Variants in SLC24A2 observed in about 807,000 individuals in gnomAD.
SLC24A2 encodes sodium/potassium/calcium exchanger 2.
In SLC24A2, 36 loss-of-function variants were observed where a neutral mutation model predicts 62.0. That is an observed-to-expected ratio of 0.58 (90% CI 0.44 to 0.77). SLC24A2 has a LOEUF of 0.77. Among genes scored for constraint, SLC24A2 ranks in the 30% least tolerant of loss-of-function variants. SLC24A2 has a pLI of 0.00. For missense variants in SLC24A2, 846 were observed against 817.9 expected (o/e 1.03, Z -0.42); for synonymous variants, 358 against 294.0 (o/e 1.22, Z -2.23).
intron 2 of SLC24A2, among the ~76,000 whole-genome samples, chr9:19,702,000 G>A (rs1000593741): frequency 1.3e-5 from 2 of 152,096 alleles, no homozygotes; most frequent in South Asian, 2.1e-4. Flanking sequence ...AGAATCTCTT[G>A]TTTTTCATTC....
the SLC24A2 span, among the ~76,000 whole-genome samples, chr9:20,083,668 A>G: frequency 1.3e-5 from 2 of 152,340 alleles, no homozygotes; most frequent in South Asian, 2.1e-4. Flanking sequence ...CACTGAAAGG[A>G]TTATTAAGCT....
chr9:20,051,146 G>A, the SLC24A2 span, among the ~76,000 whole-genome samples: 13 of 151,950 alleles, frequency 8.6e-5, no homozygotes, highest in African/African-American at 2.7e-4. Context: ...GTAACACAAT[G>A]AAAACAGGGT....
intron 2 of SLC24A2, among the ~76,000 whole-genome samples, chr9:19,669,605 A>T (rs983898042): frequency 1.3e-5 from 2 of 152,200 alleles, no homozygotes; most frequent in Non-Finnish European, 2.9e-5. Flanking sequence ...TCTGGGGGAA[A>T]ATCCATTTCC....
At chr9:19,686,299 A>T (rs1210847705) in intron 2 of SLC24A2, among the ~76,000 whole-genome samples, 1 of 152,150 alleles carries the variant, frequency 6.6e-6, no homozygotes, top group East Asian at 1.9e-4. Flanking sequence ...ATGCTTAGAC[A>T]CTGTTGGTGG....
At chr9:19,846,757 T>G in the SLC24A2 span, among the ~76,000 whole-genome samples, 1 of 152,150 alleles carries the variant, frequency 6.6e-6, no homozygotes, top group Non-Finnish European at 1.5e-5. Context: ...CTGGGCACAG[T>G]AGCTCATGTC....
the SLC24A2 span, among the ~76,000 whole-genome samples, chr9:19,879,416 A>G: frequency 2.6e-5 from 4 of 152,238 alleles, no homozygotes; most frequent in Admixed American, 6.5e-5. Flanking sequence ...AGGAAAACCT[A>G]TATAGAGCAT....
At chr9:20,202,314 T>C in the SLC24A2 span, among the ~76,000 whole-genome samples, 381 of 152,330 alleles carry the variant, frequency 2.5e-3, 3 homozygotes, top group Middle Eastern at 0.02. Flanking sequence ...TTTCTTCCCC[T>C]GAGGTGATTG....
rs1817860570 is a variant in SLC24A2, at chr9:19,619,661, G to A, written c.1001C>T (p.Ser334Phe). Residue 334 changes from serine (S) to phenylalanine (F), a missense_variant, in exon 4 of 11, where the codon TCT becomes TTT. Physicochemically the swap from Ser to Phe is radical, Grantham distance 155 (BLOSUM62 -2). Transcript: ENST00000341998. ...AKPRLQRGGS[S>F]ASLHNSLMRN... ...CATGAGACTGTTGTGGAGGGAGGCA[G>A]AGCTTCCACCTCGCTGGAGACGCGG... 1.2e-6 allele frequency: 2 copies of A among 1,613,870 alleles called. No homozygotes were observed. The highest frequency in any genetic ancestry group is 1.7e-6 in the Non-Finnish European group (2 of 1,179,904).
At chr9:20,015,987 C>T in the SLC24A2 span, among the ~76,000 whole-genome samples, 19 of 152,302 alleles carry the variant, frequency 1.2e-4, no homozygotes, top group Admixed American at 5.2e-4. Context: ...GCATTTCCTT[C>T]TATTATTGCA....
intron 2 of SLC24A2, among the ~76,000 whole-genome samples, chr9:19,752,438 T>C (rs986828128): frequency 6.6e-6 from 1 of 151,140 alleles, no homozygotes; most frequent in African/African-American, 2.4e-5. Flanking sequence ...AAAGAGGCTG[T>C]GTCTTCAAGG....
the SLC24A2 span, among the ~76,000 whole-genome samples, chr9:19,997,989 A>G: frequency 6.6e-6 from 1 of 152,046 alleles, no homozygotes; most frequent in Admixed American, 6.5e-5. Flanking sequence ...GCATCCTTAT[A>G]TTTTTGGGAA....
chr9:19,672,288 G>A (rs1819444281), intron 2 of SLC24A2, among the ~76,000 whole-genome samples: 1 of 146,282 alleles, frequency 6.8e-6, no homozygotes, highest in Non-Finnish European at 1.5e-5. Context: ...TATATTTCCA[G>A]GAATTTATCC....
the SLC24A2 span, among the ~76,000 whole-genome samples, chr9:20,242,658 G>C: frequency 6.6e-6 from 1 of 152,166 alleles, no homozygotes; most frequent in South Asian, 2.1e-4. Flanking sequence ...CTGACTCCGG[G>C]ATGCAACACC....
Position 19,512,914 on chromosome 9 carries a change from T to C in SLC24A2, c.*3239A>G, listed in dbSNP as rs1236442557. The C allele has an allele frequency of 6.6e-6, 1 of 151,950 alleles. No individual in the cohort carries two copies. Among genetic ancestry groups the C allele is most frequent in the Non-Finnish European group, 1.5e-5 (1 of 68,002 alleles). 9.4% of individuals were successfully genotyped at this position (151,950 alleles called of 1,614,324 possible). A position where few individuals can be genotyped will look rare whatever the true frequency, so the allele number is the denominator to read the frequency against. ...TGACCGATTTCCTTAAGGCTATAAATTGATATTCTTAGGGTGGGAAAATAT... is the reference window on the plus strand; with the variant it reads ...TGACCGATTTCCTTAAGGCTATAAACTGATATTCTTAGGGTGGGAAAATAT... On this transcript the variant is annotated 3_prime_UTR_variant, in exon 11 of 11. Transcript: ENST00000341998.
chr9:20,238,092 C>T, the SLC24A2 span, among the ~76,000 whole-genome samples: 2 of 152,112 alleles, frequency 1.3e-5, no homozygotes, highest in African/African-American at 2.4e-5. Context: ...TGTGGGTGGT[C>T]CAGCTGAGCC....
At chr9:20,143,764 C>T in the SLC24A2 span, among the ~76,000 whole-genome samples, 1 of 152,088 alleles carries the variant, frequency 6.6e-6, no homozygotes, top group African/African-American at 2.4e-5. Flanking sequence ...AAATTATTTC[C>T]AAATTGGTAT....
In SLC24A2 at chr9:19,593,338, T is replaced by C. The variant is rs187962244; in HGVS notation, c.1129+3891A>G. 4.6e-3 allele frequency among the ~76,000 whole-genome samples: 697 copies of C among 152,122 alleles called. 13 individuals carry two copies. Among genetic ancestry groups the C allele is most frequent in the Admixed American group, 0.04 (612 of 15,268 alleles). Reference sequence around the variant, plus strand: ...TACTGGCTATTGATGAACAAATTCATGAAAGAATGAATAAAAAAGTAGATA... The same window carrying C: ...TACTGGCTATTGATGAACAAATTCACGAAAGAATGAATAAAAAAGTAGATA... On this transcript the variant is annotated intron_variant, in intron 5 of 10. Transcript: ENST00000341998.
intron 2 of SLC24A2, among the ~76,000 whole-genome samples, chr9:19,643,803 G>T (rs1818568835): frequency 6.6e-6 from 1 of 152,078 alleles, no homozygotes; most frequent in Non-Finnish European, 1.5e-5. Context: ...AAAACATGAG[G>T]GTGACATTGA....
At chr9:19,885,998 T>C in the SLC24A2 span, among the ~76,000 whole-genome samples, 656 of 152,336 alleles carry the variant, frequency 4.3e-3, 10 homozygotes, top group African/African-American at 0.015. Context: ...CAGTCTACCA[T>C]TGATGGGCAT....
Sources: allele counts gnomAD v4.1 joint callset (sites outside exome capture counted in the v4.1 genomes callset), GRCh38; gene constraint gnomAD v4.1.1; transcripts MANE v1.5; gene names NCBI Gene and HGNC (gene_info 2026-07-23, HGNC 2026-07-21).